Variants in APBB1IP observed in about 807,000 individuals in gnomAD.
The protein encoded by APBB1IP is amyloid beta precursor protein binding family B member 1 interacting protein.
Under a neutral mutation model 64.9 loss-of-function variants are expected in APBB1IP, and 27 were observed. The observed-to-expected ratio is 0.42, with a 90% CI of 0.31 to 0.57. The LOEUF is 0.57. APBB1IP is among the 20% of genes least tolerant of loss of function. APBB1IP has a pLI of 0.20. For missense variants in APBB1IP, 812 were observed against 845.5 expected (o/e 0.96, Z 0.49); for synonymous variants, 392 against 331.0 (o/e 1.18, Z -2.00).
intron 8 of APBB1IP, among the ~76,000 whole-genome samples, chr10:26,517,282 C>T (rs1006310953): frequency 7.9e-5 from 12 of 152,176 alleles, no homozygotes; most frequent in Non-Finnish European, 1.5e-4. Flanking sequence ...TAATTACCAC[C>T]CACATGAAGA....
rs386361721 is a variant in APBB1IP, at chr10:26,469,258, C to CTTTTTTTTTTTTTT, written c.1-23063_1-23050dup. On this transcript the variant is annotated intron_variant, in intron 2 of 14. Transcript: ENST00000376236. ...GTGTTTTCTTTCCTTCTTTTCTTTT[C>CTTTTTTTTTTTTTT]TTTTTTTTTTTTTTTTTTTGAGACA... Among the ~76,000 whole-genome samples, 82 of 112,924 alleles carry CTTTTTTTTTTTTTT rather than the reference C, an allele frequency of 7.3e-4. 1 individual carries two copies. The highest frequency in any genetic ancestry group is 1.1e-3 in the African/African-American group (31 of 28,096). 74.1% of individuals were successfully genotyped at this position (112,924 alleles called of 152,430 possible).
Position 26,567,252 on chromosome 10 carries a change from T to C in APBB1IP, c.1765T>C (p.Ser589Pro), listed in dbSNP as rs1373220775. The C allele has an allele frequency of 2.1e-5, 26 of 1,264,656 alleles. No homozygotes were observed. Among genetic ancestry groups the C allele is most frequent in the African/African-American group, 3.6e-5 (2 of 56,234 alleles). The allele number at this position is 1,264,656 out of a possible 1,614,324, so 78.3% of individuals were successfully genotyped here. The change falls in exon 15 of 15, where the codon TCG (serine) becomes CCG (proline). Residue 589 changes from serine (S) to proline (P), a missense_variant. Ser to Pro is a moderately conservative substitution (Grantham distance 74). Around this residue, in one of 3 missense-constraint regions of APBB1IP, gnomAD observed 381 missense variants for 352.1 expected, o/e 1.08. Transcript: ENST00000376236. ...AGACTTCGTGCCCCCGCCCCCGCCG[T>C]CGTACGCAGGGATCGCGGGCTCAGA... is the stretch of plus-strand genomic sequence containing the variant. ...PPDFVPPPPP[S>P]YAGIAGSELP...
At chr10:26,512,257 A>T (rs571560866) in intron 7 of APBB1IP, among the ~76,000 whole-genome samples, 1 of 152,252 alleles carries the variant, frequency 6.6e-6, no homozygotes, top group East Asian at 1.9e-4. Flanking sequence ...ACCTTGGGGG[A>T]TATAAGCACT....
intron 13 of APBB1IP, 78 bp downstream of exon 13, chr10:26,560,922 C>A: frequency 9.1e-7 from 1 of 1,097,566 alleles, no homozygotes; most frequent in Non-Finnish European, 1.3e-6. Context: ...TACATCTATA[C>A]AAACAGGACT....
At chr10:26,546,711 C>T (rs941757428) in intron 11 of APBB1IP, among the ~76,000 whole-genome samples, 46 of 152,288 alleles carry the variant, frequency 3.0e-4, no homozygotes, top group African/African-American at 9.9e-4. Flanking sequence ...CTATTCTACT[C>T]TCAACTCCTA....
intron 2 of APBB1IP, among the ~76,000 whole-genome samples, chr10:26,461,132 C>T (rs1394301917): frequency 2.6e-5 from 4 of 151,402 alleles, no homozygotes; most frequent in African/African-American, 4.9e-5. Context: ...AAGTATCTAC[C>T]ACAAAAGTAT....
At chr10:26,547,324 C>A (rs145643685) in intron 11 of APBB1IP, among the ~76,000 whole-genome samples, 3 of 152,116 alleles carry the variant, frequency 2.0e-5, no homozygotes, top group African/African-American at 7.2e-5. Flanking sequence ...GTATAATTTG[C>A]AAATATTTTT....
intron 2 of APBB1IP, among the ~76,000 whole-genome samples, chr10:26,467,074 GT>G (rs953899202): frequency 2.0e-5 from 3 of 151,120 alleles, no homozygotes; most frequent in Non-Finnish European, 3.0e-5. Flanking sequence ...CATTTGTAAT[GT>G]TTTTTTTTAA....
chr10:26,465,609 A>C (rs1290395323), intron 2 of APBB1IP, among the ~76,000 whole-genome samples: 1 of 152,204 alleles, frequency 6.6e-6, no homozygotes, highest in East Asian at 1.9e-4. Flanking sequence ...AATTATAATT[A>C]TGTCATTATT....
At chr10:26,477,576 T>C (rs989517703) in intron 2 of APBB1IP, among the ~76,000 whole-genome samples, 7 of 152,234 alleles carry the variant, frequency 4.6e-5, no homozygotes, top group Non-Finnish European at 7.3e-5. Context: ...AATTCTATCA[T>C]TGTCTCTTCT....
At chr10:26,553,892 C>T (rs1836862983) in intron 11 of APBB1IP, among the ~76,000 whole-genome samples, 1 of 152,140 alleles carries the variant, frequency 6.6e-6, no homozygotes, top group Admixed American at 6.5e-5. Flanking sequence ...AACTGGACCC[C>T]TACTCTGCTT....
At chr10:26,471,919 A>AGG (rs1221823328) in intron 2 of APBB1IP, among the ~76,000 whole-genome samples, 1 of 152,048 alleles carries the variant, frequency 6.6e-6, no homozygotes, top group Non-Finnish European at 1.5e-5. Flanking sequence ...TCCTGACCTC[A>AGG]TGATCCGCCC....
At position 26,438,396 on chromosome 10, in the gene APBB1IP, G is replaced by A. The variant is rs578053971; in HGVS notation, c.-262G>A. 1 of 152,268 alleles carries A rather than the reference G, an allele frequency of 6.6e-6. No homozygotes were observed. The highest frequency in any genetic ancestry group is 6.5e-5 in the Admixed American group (1 of 15,298). 9.4% of individuals were successfully genotyped at this position (152,268 alleles called of 1,614,324 possible). A position where few individuals can be genotyped will look rare whatever the true frequency, so the allele number is the denominator to read the frequency against. ...ATCCCTTAGTCCCTCTTGCGTCGAGGCTGCAAAATGGTTCCATTCGCCAGG... is the reference window on the plus strand; with the variant it reads ...ATCCCTTAGTCCCTCTTGCGTCGAGACTGCAAAATGGTTCCATTCGCCAGG... On this transcript the variant is annotated 5_prime_UTR_variant, in exon 1 of 15. Transcript: ENST00000376236.
chr10:26,566,300 G>C (rs1837042831), intron 14 of APBB1IP, among the ~76,000 whole-genome samples: 1 of 152,172 alleles, frequency 6.6e-6, no homozygotes, highest in African/African-American at 2.4e-5. Flanking sequence ...TGTTGCCCAG[G>C]CTGGAGTGCA....
At chr10:26,527,524 C>CA in intron 8 of APBB1IP, among the ~76,000 whole-genome samples, 1 of 144,050 alleles carries the variant, frequency 6.9e-6, no homozygotes. Flanking sequence ...GCCTGGGCAA[C>CA]AGAGCAATAC....
At chr10:26,513,697 A>G in intron 8 of APBB1IP, 37 bp downstream of exon 8, 1 of 1,538,850 alleles carries the variant, frequency 6.5e-7, no homozygotes, top group Non-Finnish European at 8.7e-7. Flanking sequence ...CCTATAAAGT[A>G]CAAAGGATTT....
At chr10:26,538,821 T>C (rs1022817118) in intron 10 of APBB1IP, among the ~76,000 whole-genome samples, 3 of 152,118 alleles carry the variant, frequency 2.0e-5, no homozygotes, top group Non-Finnish European at 2.9e-5. Context: ...TGTTCCAAAA[T>C]AGACCTTCCC....
At chr10:26,475,595 G>A (rs750335610) in intron 2 of APBB1IP, among the ~76,000 whole-genome samples, 13 of 152,090 alleles carry the variant, frequency 8.5e-5, no homozygotes, top group Non-Finnish European at 1.2e-4. Context: ...TCAGACTTGC[G>A]TTTAAATCCC....
chr10:26,444,088 C>T (rs1835366267), intron 2 of APBB1IP, among the ~76,000 whole-genome samples: 1 of 152,130 alleles, frequency 6.6e-6, no homozygotes, highest in South Asian at 2.1e-4. Context: ...CTTTCGTTTG[C>T]AGGAGACAAT....
Sources: allele counts gnomAD v4.1 joint callset (sites outside exome capture counted in the v4.1 genomes callset), GRCh38; gene constraint gnomAD v4.1.1; regional missense constraint gnomAD v4.1.1; transcripts MANE v1.5; gene names NCBI Gene and HGNC (gene_info 2026-07-23, HGNC 2026-07-21).